The following PLCB4 variants were observed in gnomAD, a reference collection of about 807,000 sequenced individuals.
PLCB4 encodes the protein 1-phosphatidylinositol 4,5-bisphosphate phosphodiesterase beta-4.
Under a neutral mutation model 178.8 loss-of-function variants are expected in PLCB4, and 77 were observed. That is an observed-to-expected ratio of 0.43 (90% CI 0.36 to 0.52). The LOEUF is 0.52. PLCB4 is among the 20% of genes least tolerant of loss of function. The probability of loss-of-function intolerance (pLI) is 0.00; values close to 1 mark genes in which losing one functional copy is unlikely to be tolerated. For missense variants in PLCB4, 1,024 were observed against 1,453.4 expected (o/e 0.70, Z 4.80); for synonymous variants, 496 against 490.8 (o/e 1.01, Z -0.14).
At chr20:9,069,282 C>T (rs2089441981) in intron 1 of PLCB4, 76 bp downstream of exon 1, 2 of 152,394 alleles carry the variant, frequency 1.3e-5, no homozygotes, top group South Asian at 4.1e-4. Flanking sequence ...TTGCTTTCCG[C>T]GGGTGCGTCC....
intron 4 of PLCB4, among the ~76,000 whole-genome samples, chr20:9,318,961 G>C (rs2094930207): frequency 6.6e-6 from 1 of 152,164 alleles, no homozygotes; most frequent in Admixed American, 6.5e-5. Flanking sequence ...TGAACAGGAG[G>C]GTGTTGGCCA....
intron 2 of PLCB4, among the ~76,000 whole-genome samples, chr20:9,111,407 G>T (rs1339399832): frequency 6.6e-6 from 1 of 152,096 alleles, no homozygotes; most frequent in African/African-American, 2.4e-5. Flanking sequence ...TCAAAGAGTT[G>T]CTTTCTCTCA....
At position 9,421,468 on chromosome 20, in the gene PLCB4, C is replaced by T. The variant is rs773492773; in HGVS notation, c.2319+7C>T. The T allele has an allele frequency of 7.5e-6, 12 of 1,609,494 alleles. No individual in the cohort carries two copies. The highest frequency in any genetic ancestry group is 1.0e-5 in the Non-Finnish European group (12 of 1,176,606). On this transcript the variant is annotated splice_region_variant and intron_variant, in intron 27 of 39. Transcript: ENST00000378473. ...GTCATTTGTATTTCGGAAGGTAGGA[C>T]ATTTTCAGCACGTCAAACTTACTCT...
At chr20:9,345,255 C>G (rs1458018682) in intron 7 of PLCB4, among the ~76,000 whole-genome samples, 2 of 149,922 alleles carry the variant, frequency 1.3e-5, no homozygotes, top group African/African-American at 4.9e-5. Flanking sequence ...AAATAAAGCT[C>G]TTTTTTTTTT....
intron 2 of PLCB4, among the ~76,000 whole-genome samples, chr20:9,179,853 CA>C: frequency 6.6e-6 from 1 of 152,278 alleles, no homozygotes; most frequent in Admixed American, 6.5e-5. Flanking sequence ...AGGTTCTCTT[CA>C]GCTTGAAAAT....
intron 2 of PLCB4, among the ~76,000 whole-genome samples, chr20:9,144,686 G>T: frequency 8.2e-6 from 1 of 122,026 alleles, no homozygotes. Context: ...GGGGAAGGAG[G>T]GGGAGGAGGG....
chr20:9,249,838 C>T (rs2094161804), intron 3 of PLCB4, among the ~76,000 whole-genome samples: 3 of 152,140 alleles, frequency 2.0e-5, no homozygotes, highest in Admixed American at 2.0e-4. Context: ...ATGGGAAAGA[C>T]AGGACCCTGT....
chr20:9,153,048 T>A (rs186411849), intron 2 of PLCB4, among the ~76,000 whole-genome samples: 46 of 152,288 alleles, frequency 3.0e-4, no homozygotes, highest in Non-Finnish European at 5.0e-4. Context: ...CAATGCCTCC[T>A]ATTTGGAACA....
chr20:9,272,442 C>T (rs763274494), intron 3 of PLCB4, among the ~76,000 whole-genome samples: 3 of 152,078 alleles, frequency 2.0e-5, no homozygotes, highest in African/African-American at 4.8e-5. Flanking sequence ...TGACACTTTA[C>T]ATGCTGTCAT....
At chr20:9,144,310 G>T (rs1425292998) in intron 2 of PLCB4, among the ~76,000 whole-genome samples, 1 of 151,976 alleles carries the variant, frequency 6.6e-6, no homozygotes, top group Non-Finnish European at 1.5e-5. Flanking sequence ...ACAACTAATG[G>T]CTAGGTTCTT....
chr20:9,194,998 A>C (rs1184560185), intron 2 of PLCB4, among the ~76,000 whole-genome samples: 2 of 152,218 alleles, frequency 1.3e-5, no homozygotes, highest in African/African-American at 2.4e-5. Flanking sequence ...GGCGATGGCA[A>C]GATTTTAAGA....
chr20:9,223,092 A>T (rs972778213), intron 3 of PLCB4, among the ~76,000 whole-genome samples: 6 of 152,218 alleles, frequency 3.9e-5, no homozygotes, highest in Non-Finnish European at 8.8e-5. Context: ...GGTAGAAAGT[A>T]GAAAAATTTT....
In PLCB4 at chr20:9,317,526, T is replaced by C. The variant is rs6086837; in HGVS notation, c.84+9628T>C. Among the ~76,000 whole-genome samples the C allele has an allele frequency of 5.2e-3, 786 of 152,216 alleles. 2 individuals are homozygous for C. Among genetic ancestry groups the C allele is most frequent in the Non-Finnish European group, 7.3e-3 (496 of 68,000 alleles). ...GAATGGAAGCATCTCCCCCATGAAA[T>C]AGTGTCTCAGTCAGTTTCATGGAAA... On this transcript the variant is annotated intron_variant, in intron 4 of 39. Transcript: ENST00000378473.
At chr20:9,364,977 C>T (rs1334818945) in intron 8 of PLCB4, among the ~76,000 whole-genome samples, 2 of 131,988 alleles carry the variant, frequency 1.5e-5, no homozygotes, top group East Asian at 1.9e-4. Flanking sequence ...CATGAATTCT[C>T]AAGACAAGGC....
At chr20:9,464,162 C>T (rs1470357601) in intron 35 of PLCB4, among the ~76,000 whole-genome samples, 3 of 152,154 alleles carry the variant, frequency 2.0e-5, no homozygotes, top group Non-Finnish European at 4.4e-5. Flanking sequence ...AACAGAACAA[C>T]CTGCTCCTGA....
chr20:9,464,453 G>T (rs190147757), intron 35 of PLCB4, among the ~76,000 whole-genome samples: 1 of 151,998 alleles, frequency 6.6e-6, no homozygotes, highest in African/African-American at 2.4e-5. Flanking sequence ...AAGAGATAGC[G>T]ACACAAAAAA....
intron 35 of PLCB4, among the ~76,000 whole-genome samples, chr20:9,465,534 C>A (rs570182932): frequency 1.3e-5 from 2 of 152,126 alleles, no homozygotes; most frequent in African/African-American, 4.8e-5. Context: ...TTTAGAAAAC[C>A]CCTTCATCTC....
At chr20:9,329,429 A>G (rs8120918) in intron 4 of PLCB4, among the ~76,000 whole-genome samples, 15,754 of 152,184 alleles carry the variant, frequency 0.1, 2,686 homozygotes, top group African/African-American at 0.35. Flanking sequence ...GTTAATGTAG[A>G]GAAAGTACTT....
At chr20:9,177,267 C>A (rs1200372993) in intron 2 of PLCB4, among the ~76,000 whole-genome samples, 1 of 152,128 alleles carries the variant, frequency 6.6e-6, no homozygotes, top group East Asian at 1.9e-4. Flanking sequence ...ATATGAAATG[C>A]TGGAATTGCT....
Sources: gnomAD v4.1 joint callset for allele counts (sites outside exome capture counted in the v4.1 genomes callset) on GRCh38, gnomAD v4.1.1 for gene constraint, MANE v1.5 for transcripts, NCBI Gene and HGNC (gene_info 2026-07-23, HGNC 2026-07-21) for gene names.